Variants in PTPN4 observed in about 807,000 individuals in gnomAD.
The protein encoded by PTPN4 is tyrosine-protein phosphatase non-receptor type 4.
Under a neutral mutation model 135.5 loss-of-function variants are expected in PTPN4, and 49 were observed. That is an observed-to-expected ratio of 0.36 (90% confidence interval 0.29 to 0.46). The LOEUF (loss-of-function observed/expected upper bound fraction) is 0.46, where lower values mean the gene tolerates loss of function less well. Ranked by LOEUF, PTPN4 falls within the 20% of genes least tolerant of loss-of-function variation. The pLI is 1.00. For synonymous variants in PTPN4, 333 were observed against 369.9 expected (o/e 0.90, Z 1.14); for missense variants, 860 against 1,101.0 (o/e 0.78, Z 3.10).
intron 9 of PTPN4, among the ~76,000 whole-genome samples, chr2:119,886,172 G>T (rs967120055): frequency 6.6e-6 from 1 of 152,038 alleles, no homozygotes; most frequent in African/African-American, 2.4e-5. Context: ...TAATTGTTAG[G>T]CTATAGGAAA....
intron 2 of PTPN4, among the ~76,000 whole-genome samples, chr2:119,854,089 T>G (rs1382750232): frequency 6.6e-6 from 1 of 152,118 alleles, no homozygotes; most frequent in African/African-American, 2.4e-5. Context: ...CTCAGGGCAT[T>G]GGTTTGACCA....
intron 1 of PTPN4, among the ~76,000 whole-genome samples, chr2:119,798,230 G>A (rs1691299720): frequency 6.6e-6 from 1 of 150,524 alleles, no homozygotes; most frequent in African/African-American, 2.4e-5. Context: ...GCAATGGCAT[G>A]ATCTCAGCTT....
At chr2:119,836,068 C>CAAAAA (rs35095345) in intron 2 of PTPN4, among the ~76,000 whole-genome samples, 52 of 125,852 alleles carry the variant, frequency 4.1e-4, no homozygotes, top group Admixed American at 1.2e-3. Flanking sequence ...GTCTCCGTCT[C>CAAAAA]AAAAAAAAAA....
At position 119,984,837 on chromosome 2, in the gene PTPN4, A is replaced by G. The variant is rs1679741624; in HGVS notation, c.*7767A>G. 6.6e-6 allele frequency among the ~76,000 whole-genome samples: 1 copy of G among 152,246 alleles called. No individual in the cohort carries two copies. The highest frequency in any genetic ancestry group is 1.5e-5 in the Non-Finnish European group (1 of 68,042). On this transcript the variant is annotated 3_prime_UTR_variant, in exon 27 of 27. Transcript: ENST00000263708. ...AGTTGTTCAGGTACAAACATGACAA[A>G]CAACTCTAGCTATGACTCTTAATGT...
chr2:119,935,644 T>C (rs1292922535), intron 15 of PTPN4, among the ~76,000 whole-genome samples: 1 of 152,208 alleles, frequency 6.6e-6, no homozygotes, highest in Non-Finnish European at 1.5e-5. Context: ...AGATACACAC[T>C]GTACAATGAT....
chr2:119,791,387 CT>C (rs1454517332), intron 1 of PTPN4: 1 of 152,238 alleles, frequency 6.6e-6, no homozygotes, highest in Non-Finnish European at 1.5e-5. Flanking sequence ...CCACCTTGGC[CT>C]CCCAAAGTGC....
rs1446581280 is a variant in PTPN4 at position 119,980,026 on chromosome 2, ACCAATGCAT to A, written c.*2960_*2968del. On this transcript the variant is annotated 3_prime_UTR_variant, in exon 27 of 27. Transcript: ENST00000263708. ...CCAGAAAATTGATAGTATTTGTTAA[ACCAATGCAT>A]CCATTCAAAATAGAGGCAGAGTAAA... 3 of 152,090 alleles carry A rather than the reference ACCAATGCAT, an allele frequency of 2.0e-5. No individual in the cohort carries two copies. Among genetic ancestry groups the A allele is most frequent in the Admixed American group, 2.0e-4 (3 of 15,256 alleles). The allele number at this position is 152,090 out of a possible 1,614,324, so 9.4% of individuals were successfully genotyped here. A position where few individuals can be genotyped will look rare whatever the true frequency, so the allele number is the denominator to read the frequency against.
intron 15 of PTPN4, among the ~76,000 whole-genome samples, chr2:119,940,255 A>G (rs1383901806): frequency 6.6e-6 from 1 of 152,214 alleles, no homozygotes; most frequent in Non-Finnish European, 1.5e-5. Flanking sequence ...CTGAAGTGAC[A>G]TTTACTTTGA....
Position 119,902,284 on chromosome 2 carries a change from G to C in PTPN4, c.764+1478G>C, listed in dbSNP as rs762286492. Among the ~76,000 whole-genome samples the C allele has an allele frequency of 3.0e-4, 46 of 152,210 alleles. 1 individual carries two copies. The highest frequency in any genetic ancestry group is 6.3e-3 in the Middle Eastern group (2 of 316). Reference sequence around the variant, plus strand: ...ACTGGAGTGAAATATTTTGGTTAAAGTGTTGAAAGAAAAAACCCACCAACC... The same window carrying C: ...ACTGGAGTGAAATATTTTGGTTAAACTGTTGAAAGAAAAAACCCACCAACC... On this transcript the variant is annotated intron_variant, in intron 10 of 26. Coordinates refer to ENST00000263708, the MANE Select transcript of PTPN4 (RefSeq NM_002830.4).
chr2:119,861,658 G>T (rs181026032), intron 2 of PTPN4, among the ~76,000 whole-genome samples: 10 of 152,084 alleles, frequency 6.6e-5, no homozygotes, highest in Admixed American at 2.6e-4. Context: ...TTATTTTGGG[G>T]GTTGTTTGCC....
chr2:119,897,095 T>TTTTG (rs1174973535), intron 9 of PTPN4, among the ~76,000 whole-genome samples: 4 of 152,050 alleles, frequency 2.6e-5, no homozygotes, highest in African/African-American at 9.7e-5. Flanking sequence ...AATTTTTGTT[T>TTTTG]TTTGTTTGTT....
chr2:119,800,283 T>C (rs1691338676), intron 1 of PTPN4, among the ~76,000 whole-genome samples: 2 of 152,190 alleles, frequency 1.3e-5, no homozygotes, highest in Admixed American at 1.3e-4. Context: ...TTTTGGCCGT[T>C]AAATAGGTAT....
At chr2:119,869,154 T>C (rs544298915) in intron 3 of PTPN4, among the ~76,000 whole-genome samples, 144 of 152,326 alleles carry the variant, frequency 9.5e-4, no homozygotes, top group African/African-American at 3.3e-3. Context: ...TAGAACACTA[T>C]ATGGTTCCAT....
Position 119,773,884 on chromosome 2 carries a change from C to G in PTPN4, c.-18+13500C>G, listed in dbSNP as rs1208986109. Reference sequence around the variant, plus strand: ...AAAATTTAACGAAACTCACACAGACCATACATGGTATCATTTGCAGTTGAG... The same window carrying G: ...AAAATTTAACGAAACTCACACAGACGATACATGGTATCATTTGCAGTTGAG... On this transcript the variant is annotated intron_variant, in intron 1 of 26. Transcript: ENST00000263708. Among the ~76,000 whole-genome samples the G allele has an allele frequency of 1.1e-4, 16 of 151,990 alleles. No individual in the cohort carries two copies. In the East Asian group the frequency reaches 2.9e-3, roughly 27 times the overall value.
chr2:119,924,366 T>C (rs1234751117), intron 12 of PTPN4, among the ~76,000 whole-genome samples: 1 of 152,140 alleles, frequency 6.6e-6, no homozygotes, highest in Admixed American at 6.6e-5. Context: ...AATAAAATTA[T>C]TGTGCCTGTA....
chr2:119,815,303 A>G (rs1676968446), intron 2 of PTPN4, among the ~76,000 whole-genome samples: 1 of 152,320 alleles, frequency 6.6e-6, no homozygotes, highest in Non-Finnish European at 1.5e-5. Flanking sequence ...GCATTAAACA[A>G]GAATGTTGGT....
chr2:119,851,682 C>G (rs898705133), intron 2 of PTPN4, among the ~76,000 whole-genome samples: 1 of 152,208 alleles, frequency 6.6e-6, no homozygotes, highest in African/African-American at 2.4e-5. Context: ...GCCTGGGTTC[C>G]CTCACCCAAC....
intron 1 of PTPN4, among the ~76,000 whole-genome samples, chr2:119,795,752 G>A (rs978710209): frequency 3.9e-5 from 6 of 152,224 alleles, no homozygotes; most frequent in African/African-American, 1.4e-4. Context: ...GCCTGCTCCT[G>A]GCTTCCACCA....
intron 1 of PTPN4, among the ~76,000 whole-genome samples, chr2:119,765,997 G>C (rs1459361498): frequency 1.3e-5 from 2 of 151,796 alleles, no homozygotes; most frequent in African/African-American, 4.8e-5. Context: ...TTGTGTTTGG[G>C]CAATGAGTGG....
Sources: gnomAD v4.1 joint callset for allele counts (sites outside exome capture counted in the v4.1 genomes callset) on GRCh38, gnomAD v4.1.1 for gene constraint, MANE v1.5 for transcripts, NCBI Gene and HGNC (gene_info 2026-07-23, HGNC 2026-07-21) for gene names.